The following FADS2 variants were observed in gnomAD, a reference collection of about 807,000 sequenced individuals.
FADS2 encodes the protein acyl-CoA 6-desaturase.
Under a neutral mutation model 61.2 loss-of-function variants are expected in FADS2, and 18 were observed. That is an observed-to-expected ratio of 0.29 (90% CI 0.20 to 0.44). The LOEUF (loss-of-function observed/expected upper bound fraction) is 0.44, where lower values mean the gene tolerates loss of function less well. FADS2 is among the 20% of genes least tolerant of loss of function. The pLI is 1.00. For missense variants in FADS2, 322 were observed against 572.7 expected, an observed-to-expected ratio of 0.56 and a Z score of 4.47; for synonymous variants, 203 against 223.9, an observed-to-expected ratio of 0.91 and a Z score of 0.83.
At chr11:61,855,250 G>C (rs2067346064) in intron 5 of FADS2, 1 of 152,396 alleles carries the variant, frequency 6.6e-6, no homozygotes, top group African/African-American at 2.4e-5. Context: ...GGACAGAGAT[G>C]CGGTGGGGAG....
At position 61,844,265 on chromosome 11, in the gene FADS2, A is replaced by T. The variant is rs2135964297; in HGVS notation, c.618+3540A>T. 2.6e-5 allele frequency among the ~76,000 whole-genome samples: 4 copies of T among 152,348 alleles called. 1 individual carries two copies. In the South Asian group the frequency reaches 8.3e-4, roughly 32 times the overall value. On this transcript the variant is annotated intron_variant, in intron 4 of 11. Transcript: ENST00000278840. ...CTTCAGTTGAATGTAATTAGAAATT[A>T]GTTAAGACCGGGCGAGGTGGCTTGG...
chr11:61,817,180 T>G (rs1591158284), intron 1 of FADS2: 2 of 164,326 alleles, frequency 1.2e-5, no homozygotes, highest in South Asian at 1.5e-4. Flanking sequence ...GGGCCAGGGC[T>G]GCGGGGTGGC....
At chr11:61,836,106 T>C (rs1458845618) in intron 1 of FADS2, among the ~76,000 whole-genome samples, 2 of 152,228 alleles carry the variant, frequency 1.3e-5, no homozygotes, top group East Asian at 3.8e-4. Flanking sequence ...TGTTTGTTTG[T>C]TTGTTTTTTG....
intron 1 of FADS2, among the ~76,000 whole-genome samples, chr11:61,829,487 C>A (rs983165590): frequency 6.6e-6 from 1 of 152,184 alleles, no homozygotes; most frequent in East Asian, 1.9e-4. Flanking sequence ...CCACCAAATG[C>A]GTGGCTCAGT....
At chr11:61,845,187 C>T (rs959378864) in intron 4 of FADS2, among the ~76,000 whole-genome samples, 1 of 152,038 alleles carries the variant, frequency 6.6e-6, no homozygotes, top group East Asian at 1.9e-4. Flanking sequence ...AGGCTCTTGC[C>T]TCTGTCAGGA....
At chr11:61,837,344 C>G (rs2067182348) in intron 1 of FADS2, among the ~76,000 whole-genome samples, 1 of 152,162 alleles carries the variant, frequency 6.6e-6, no homozygotes, top group African/African-American at 2.4e-5. Flanking sequence ...TCATTGACCA[C>G]CCTGGACATG....
intron 6 of FADS2, 65 bp from the exon 7 acceptor site, chr11:61,857,389 C>T (rs2067369766): frequency 2.1e-6 from 3 of 1,459,556 alleles, no homozygotes; most frequent in South Asian, 1.1e-5. Flanking sequence ...GGCCTGGGTT[C>T]CCCTGACCTT....
Position 61,865,627 on chromosome 11 carries a change from C to A in FADS2, c.1284-11C>A. On this transcript the variant is annotated splice_polypyrimidine_tract_variant and intron_variant, in intron 11 of 11. Coordinates refer to ENST00000278840, the MANE Select transcript of FADS2 (RefSeq NM_004265.4). The surrounding 1 kb of genome is among the most constrained non-coding windows in gnomAD (Gnocchi z 4.1). ...CTGGTCCCTGACCCTGGTCCATCCC[C>A]AACTTTGCAGGTCCCTGAAGAAGTC... 2 of 1,612,976 alleles carry A rather than the reference C, an allele frequency of 1.2e-6. No individual in the cohort carries two copies. The highest frequency in any genetic ancestry group is 1.7e-6 in the Non-Finnish European group (2 of 1,179,454).
intron 7 of FADS2, among the ~76,000 whole-genome samples, chr11:61,857,762 G>C (rs1267179030): frequency 2.0e-5 from 3 of 152,150 alleles, no homozygotes; most frequent in African/African-American, 7.2e-5. Context: ...GGCAGCCCCT[G>C]CTTTTGCAGA....
chr11:61,831,533 T>C (rs1370238234), intron 1 of FADS2, among the ~76,000 whole-genome samples: 1 of 152,080 alleles, frequency 6.6e-6, no homozygotes, highest in Non-Finnish European at 1.5e-5. Flanking sequence ...GAGCAAAAGA[T>C]CCAGGTAGTC....
intron 7 of FADS2, among the ~76,000 whole-genome samples, chr11:61,858,564 T>G (rs2067385148): frequency 6.6e-6 from 1 of 152,116 alleles, no homozygotes; most frequent in African/African-American, 2.4e-5. Context: ...TTGGTCATAT[T>G]GCATTAGGGC....
chr11:61,837,936 T>A, intron 2 of FADS2, 48 bp downstream of exon 2: 1 of 1,360,886 alleles, frequency 7.3e-7, no homozygotes, highest in Non-Finnish European at 1.0e-6. Flanking sequence ...AGGCTGGGGG[T>A]GGCTGGGAGT....
chr11:61,822,823 C>A (rs1377912133), intron 1 of FADS2, among the ~76,000 whole-genome samples: 4 of 152,160 alleles, frequency 2.6e-5, no homozygotes, highest in Non-Finnish European at 5.9e-5. Flanking sequence ...ATATACTTAA[C>A]TTTTTCCCTA....
chr11:61,865,028 C>A lies in FADS2; in HGVS notation c.1158-124C>A, dbSNP rs192570095. 3.4e-6 allele frequency: 4 copies of A among 1,169,754 alleles called. No homozygotes were observed. Among genetic ancestry groups the A allele is most frequent in the Admixed American group, 4.3e-5 (2 of 46,904 alleles). The allele number at this position is 1,169,754 out of a possible 1,614,324, so 72.5% of individuals were successfully genotyped here. A position where few individuals can be genotyped will look rare whatever the true frequency, so the allele number is the denominator to read the frequency against. On this transcript the variant is annotated intron_variant, in intron 10 of 11. Transcript: ENST00000278840. This position sits in a 1 kb window ranked among gnomAD's most constrained non-coding sequence, Gnocchi z 4.1. ...ACACACGAGGAGCCACACTTTGAGA[C>A]TGGTCCTGGCTGTGGACAGGGTCTC...
intron 1 of FADS2, chr11:61,821,406 C>G: frequency 1.4e-6 from 1 of 702,012 alleles, no homozygotes; most frequent in Middle Eastern, 2.3e-4. Context: ...ACCTTAATGC[C>G]GATTGTAATG....
chr11:61,852,054 CG>C (rs1317864256), intron 5 of FADS2, among the ~76,000 whole-genome samples: 2 of 152,064 alleles, frequency 1.3e-5, no homozygotes, highest in Non-Finnish European at 2.9e-5. Context: ...CCAGTTTTCC[CG>C]GCACCCCCAT....
intron 4 of FADS2, among the ~76,000 whole-genome samples, chr11:61,842,130 C>G (rs1035411590): frequency 6.6e-6 from 1 of 152,222 alleles, no homozygotes; most frequent in African/African-American, 2.4e-5. Context: ...AAGGGACGAG[C>G]TACATGTGGG....
chr11:61,846,085 T>C (rs1394610257), intron 4 of FADS2, among the ~76,000 whole-genome samples: 1 of 152,070 alleles, frequency 6.6e-6, no homozygotes, highest in Non-Finnish European at 1.5e-5. Flanking sequence ...CAAACGCAAA[T>C]GTGTCATTTG....
At chr11:61,839,548 C>T (rs2067201608) in intron 2 of FADS2, among the ~76,000 whole-genome samples, 1 of 152,112 alleles carries the variant, frequency 6.6e-6, no homozygotes, top group Non-Finnish European at 1.5e-5. Flanking sequence ...GTCTCGAACT[C>T]CTGACCTCAG....
Sources: gnomAD v4.1 joint callset for allele counts (sites outside exome capture counted in the v4.1 genomes callset) on GRCh38, gnomAD v4.1.1 for gene constraint, Gnocchi (gnomAD v3.1) non-coding constraint, MANE v1.5 for transcripts, NCBI Gene and HGNC (gene_info 2026-07-23, HGNC 2026-07-21) for gene names.